Variants in VPS13B observed in about 807,000 individuals in gnomAD.
The protein encoded by VPS13B is intermembrane lipid transfer protein VPS13B.
Under a neutral mutation model 426.4 loss-of-function variants are expected in VPS13B, and 285 were observed. That is an observed-to-expected ratio of 0.67 (90% CI 0.61 to 0.74). The LOEUF is 0.74. VPS13B is among the 30% of genes least tolerant of loss of function. The pLI, the probability that VPS13B is intolerant of heterozygous loss-of-function variation, is 0.00. For synonymous variants in VPS13B, 1,676 were observed against 1,676.4 expected, an observed-to-expected ratio of 1.00 and a Z score of 0.01; for missense variants, 4,537 against 4,782.6, an observed-to-expected ratio of 0.95 and a Z score of 1.51.
chr8:99,453,966 C>T (rs1818327171), intron 23 of VPS13B, among the ~76,000 whole-genome samples: 1 of 152,102 alleles, frequency 6.6e-6, no homozygotes, highest in Non-Finnish European at 1.5e-5. Context: ...TATCTGTCAT[C>T]GTAGTATCAT....
rs537352093 is a variant in VPS13B at position 99,598,947 on chromosome 8, A to G, written c.5220+21314A>G. On this transcript the variant is annotated intron_variant, in intron 33 of 61. Coordinates refer to ENST00000357162, the MANE Select transcript of VPS13B (RefSeq NM_152564.5). ...TTACTTTAGCCAACATAAAATATACAGTACTTAGTTCACCATTTCTAAACA... is the reference window on the plus strand; with the variant it reads ...TTACTTTAGCCAACATAAAATATACGGTACTTAGTTCACCATTTCTAAACA... 2.7e-5 allele frequency among the ~76,000 whole-genome samples: 4 copies of G among 150,726 alleles called. No individual in the cohort carries two copies. The South Asian group carries it at 8.4e-4, about 31-fold the overall frequency.
chr8:99,030,461 A>AGTGT (rs34944940), intron 2 of VPS13B, among the ~76,000 whole-genome samples: 16,350 of 144,730 alleles, frequency 0.11, 992 homozygotes, highest in South Asian at 0.15. Context: ...TGAGTGAGTG[A>AGTGT]GTGTGTGTGT....
Position 99,743,034 on chromosome 8 carries a change from T to C in VPS13B, c.7050+21987T>C, listed in dbSNP as rs570957768. ...TCAATTAGGAAAAGAGGAAGTCAAA[T>C]TGTCCCTGTTTGCAGGCGACATGAT... On this transcript the variant is annotated intron_variant, in intron 39 of 61. Transcript: ENST00000357162. 4.3e-3 allele frequency among the ~76,000 whole-genome samples: 650 copies of C among 152,312 alleles called. 5 individuals carry two copies. The highest frequency in any genetic ancestry group is 6.9e-3 in the Non-Finnish European group (472 of 68,018).
At chr8:99,564,426 C>A (rs1369612857) in intron 31 of VPS13B, among the ~76,000 whole-genome samples, 1 of 152,196 alleles carries the variant, frequency 6.6e-6, no homozygotes, top group African/African-American at 2.4e-5. Flanking sequence ...GCACATCCAA[C>A]TGGTGGACTG....
Position 99,523,696 on chromosome 8 carries a change from C to T in VPS13B, c.4745+2686C>T, listed in dbSNP as rs912331006. 1.9e-4 allele frequency among the ~76,000 whole-genome samples: 29 copies of T among 152,272 alleles called. 1 individual carries two copies. The highest frequency in any genetic ancestry group is 6.7e-4 in the African/African-American group (28 of 41,540). On this transcript the variant is annotated intron_variant, in intron 30 of 61. Coordinates refer to ENST00000357162, the MANE Select transcript of VPS13B (RefSeq NM_152564.5). The stretch of plus-strand genomic sequence containing the variant: ...GGGTTACTCCCTAATGCAGATATGG[C>T]GGCAATGACCAAAAACTTAGATCAC...
Position 99,751,863 on chromosome 8 carries a change from C to T in VPS13B, c.7051-14911C>T, listed in dbSNP as rs149730977. Among the ~76,000 whole-genome samples the T allele has an allele frequency of 6.3e-3, 963 of 152,164 alleles. 8 individuals carry two copies. Among genetic ancestry groups the T allele is most frequent in the African/African-American group, 0.022 (905 of 41,498 alleles). On this transcript the variant is annotated intron_variant, in intron 39 of 61. Transcript: ENST00000357162. ...GTCTGCAGATATGCTAGTTCCAAAC[C>T]CTAAGTCTCTGAGGATGACATGAAG...
At chr8:99,860,161 A>G (rs1816763398) in intron 57 of VPS13B, among the ~76,000 whole-genome samples, 1 of 152,226 alleles carries the variant, frequency 6.6e-6, no homozygotes, top group South Asian at 2.1e-4. Context: ...TTCCCGTAAA[A>G]GGCATCTGAC....
rs185060891 is a variant in VPS13B, at chr8:99,158,934, C to A, written c.2208+2191C>A. Among the ~76,000 whole-genome samples the A allele has an allele frequency of 3.9e-5, 6 of 152,278 alleles. No individual in the cohort carries two copies. The East Asian group carries it at 9.6e-4, about 24-fold the overall frequency. On this transcript the variant is annotated intron_variant, in intron 15 of 61. Coordinates refer to ENST00000357162, the MANE Select transcript of VPS13B (RefSeq NM_152564.5). ...GAAATATATTTTGTAAGGCTTATAG[C>A]TACCATAGATAGCCATTCTTCTGAT...
intron 23 of VPS13B, among the ~76,000 whole-genome samples, chr8:99,453,878 C>T (rs1818323957): frequency 6.6e-6 from 1 of 152,070 alleles, no homozygotes. Flanking sequence ...TAATTGTCAC[C>T]CAAAATCTGC....
intron 5 of VPS13B, among the ~76,000 whole-genome samples, chr8:99,107,909 G>A (rs1459021645): frequency 3.3e-5 from 5 of 152,184 alleles, no homozygotes; most frequent in East Asian, 1.9e-4. Context: ...TAAATTGCAT[G>A]TTGCATGCAT....
chr8:99,867,104 T>C (rs1281541763), intron 58 of VPS13B, among the ~76,000 whole-genome samples: 1 of 152,300 alleles, frequency 6.6e-6, no homozygotes, highest in East Asian at 1.9e-4. Context: ...CCCTTTACAA[T>C]TGACGTGATA....
intron 17 of VPS13B, among the ~76,000 whole-genome samples, chr8:99,211,606 G>C (rs999570048): frequency 6.6e-6 from 1 of 151,940 alleles, no homozygotes; most frequent in East Asian, 1.9e-4. Context: ...TGGAAACCCC[G>C]TTTCTACTAA....
At chr8:99,312,225 T>A (rs1048953040) in intron 19 of VPS13B, among the ~76,000 whole-genome samples, 4 of 152,188 alleles carry the variant, frequency 2.6e-5, no homozygotes, top group Non-Finnish European at 4.4e-5. Flanking sequence ...TGTTAGCTGG[T>A]TATTTTGCTC....
intron 33 of VPS13B, among the ~76,000 whole-genome samples, chr8:99,587,961 C>A (rs1377978342): frequency 6.6e-6 from 1 of 151,668 alleles, no homozygotes; most frequent in South Asian, 2.1e-4. Context: ...TTAGGTCTAA[C>A]GTTTAAGTCT....
intron 43 of VPS13B, among the ~76,000 whole-genome samples, chr8:99,798,159 C>A (rs1170259028): frequency 6.6e-6 from 1 of 150,808 alleles, no homozygotes; most frequent in Non-Finnish European, 1.5e-5. Context: ...TTTGAGTACC[C>A]AGGAACTACC....
At chr8:99,269,114 A>G (rs761669401) in intron 17 of VPS13B, among the ~76,000 whole-genome samples, 11 of 152,228 alleles carry the variant, frequency 7.2e-5, no homozygotes, top group Non-Finnish European at 4.4e-5. Context: ...CTGTGACTCA[A>G]TTAAACCTCT....
At chr8:99,467,298 T>C (rs1209663286) in intron 23 of VPS13B, 116 bp from the exon 24 acceptor site, 1 of 1,102,032 alleles carries the variant, frequency 9.1e-7, no homozygotes, top group Non-Finnish European at 1.4e-6. Context: ...CTATATTCAC[T>C]TTTTATGATG....
chr8:99,536,797 C>A lies in VPS13B; in HGVS notation c.4745+15787C>A, dbSNP rs778947346. 9.0e-5 allele frequency: 47 copies of A among 525,126 alleles called. 1 individual carries two copies. The highest frequency in any genetic ancestry group is 6.7e-4 in the South Asian group (47 of 70,164). The allele number at this position is 525,126 out of a possible 1,614,324, so 32.5% of individuals were successfully genotyped here. On this transcript the variant is annotated intron_variant, in intron 30 of 61. Transcript: ENST00000357162. ...GTCACGAAGCTTATGTTCAGTGAGA[C>A]ACAACCTCAGTGTTTCCAGGTGATT...
chr8:99,146,365 C>G (rs564940511), intron 13 of VPS13B, among the ~76,000 whole-genome samples: 1 of 152,158 alleles, frequency 6.6e-6, no homozygotes, highest in East Asian at 1.9e-4. Flanking sequence ...GTTTCTGAGT[C>G]CTCTAGTTTG....
Sources: allele counts gnomAD v4.1 joint callset (sites outside exome capture counted in the v4.1 genomes callset), GRCh38; gene constraint gnomAD v4.1.1; transcripts MANE v1.5; gene names NCBI Gene and HGNC (gene_info 2026-07-23, HGNC 2026-07-21).